UGT3A2: variants seen among roughly 807,000 people sequenced by gnomAD.
UGT3A2 encodes the protein UDP-glycosyltransferase 3A2.
UGT3A2 carries 32 observed loss-of-function variants against 39.8 expected under a neutral mutation model. That is an observed-to-expected ratio of 0.80 (90% CI 0.61 to 1.08). The LOEUF is 1.08. Ranked by LOEUF, UGT3A2 falls within the 50% of genes least tolerant of loss-of-function variation. UGT3A2 has a pLI of 0.00. For synonymous variants in UGT3A2, 241 were observed against 230.7 expected (o/e 1.04, Z -0.40); for missense variants, 611 against 637.1 (o/e 0.96, Z 0.44).
intron 5 of UGT3A2, among the ~76,000 whole-genome samples, chr5:36,038,298 C>A (rs1042376666): frequency 3.9e-5 from 6 of 152,334 alleles, no homozygotes; most frequent in Middle Eastern, 3.4e-3. Flanking sequence ...ATACATCTCT[C>A]TGTCCATCCA....
intron 6 of UGT3A2, among the ~76,000 whole-genome samples, chr5:36,037,453 A>G (rs1279077938): frequency 1.3e-5 from 2 of 152,132 alleles, no homozygotes; most frequent in Admixed American, 6.5e-5. Flanking sequence ...AGTGCGGAGT[A>G]TTTGGGTAAC....
Position 36,051,928 on chromosome 5 carries a change from G to A in UGT3A2, c.253C>T (p.His85Tyr). The A allele has an allele frequency of 6.3e-7, 1 of 1,591,892 alleles. No homozygotes were observed. The highest frequency in any genetic ancestry group is 2.3e-5 in the East Asian group (1 of 44,074). ...QVISWLAPED[H>Y]QREFKKSFDF... ...AAACTCTTTTTAAATTCTCTTTGAT[G>A]ATCTTCAGGTGCAAGCCAACTGATA... The change falls in exon 3 of 7, where the codon CAT becomes TAT. Residue 85 changes from histidine to tyrosine, a missense_variant. By Grantham distance (83) the His-to-Tyr change is moderately conservative. Coordinates refer to ENST00000282507, the MANE Select transcript of UGT3A2 (RefSeq NM_174914.4).
chr5:36,039,697 G>T lies in UGT3A2; in HGVS notation c.855C>A (p.Asn285Lys). 3.7e-6 allele frequency: 6 copies of T among 1,614,132 alleles called. No homozygotes were observed. The highest frequency in any genetic ancestry group is 5.1e-6 in the Non-Finnish European group (6 of 1,179,994). Residue 285 changes from asparagine to lysine, a missense_variant, in exon 5 of 7, where the codon AAC (asparagine) becomes AAA (lysine). Coordinates refer to ENST00000282507, the MANE Select transcript of UGT3A2 (RefSeq NM_174914.4). ...PIKPVPQDLE[N>K]FIAKFGDSGF... ...CAGAGTCCCCAAACTTGGCAATGAAGTTCTCCAAGTCCTGGAGAAAGATTA... is the reference window on the plus strand; with the variant it reads ...CAGAGTCCCCAAACTTGGCAATGAATTTCTCCAAGTCCTGGAGAAAGATTA...
chr5:36,055,594 A>C (rs1408962278), intron 2 of UGT3A2, among the ~76,000 whole-genome samples: 2 of 152,170 alleles, frequency 1.3e-5, no homozygotes, highest in African/African-American at 4.8e-5. Flanking sequence ...TCACCTCATC[A>C]TCCTTTTAAT....
intron 2 of UGT3A2, among the ~76,000 whole-genome samples, chr5:36,053,900 TC>T (rs1742426014): frequency 2.0e-5 from 3 of 152,288 alleles, no homozygotes; most frequent in African/African-American, 7.2e-5. Context: ...CATCATCACT[TC>T]TTTAACTCTC....
intron 4 of UGT3A2, among the ~76,000 whole-genome samples, chr5:36,044,436 C>G (rs573746896): frequency 6.6e-6 from 1 of 152,030 alleles, no homozygotes; most frequent in East Asian, 1.9e-4. Context: ...AGGATGCCCA[C>G]TTTTACCACA....
intron 4 of UGT3A2, among the ~76,000 whole-genome samples, chr5:36,041,141 C>G (rs943057533): frequency 5.9e-5 from 9 of 152,092 alleles, no homozygotes; most frequent in South Asian, 2.1e-4. Flanking sequence ...AAATAAACAT[C>G]AGCAGTAGCC....
At position 36,037,995 on chromosome 5, in the gene UGT3A2, A is replaced by G; in HGVS notation, c.1097T>C (p.Phe366Ser). Residue 366 changes from phenylalanine (F) to serine (S), a missense_variant, in exon 6 of 7, where the codon TTT becomes TCT. Physicochemically the swap from Phe to Ser is radical, Grantham distance 155. Transcript: ENST00000282507. ...DLLAHPSIRL[F>S]VTHGGQNSIM... ...GCTATTCTGCCCGCCGTGGGTGACA[A>G]ACAGACGGATGCTTGGGTGAGCTGT... 6 of 1,605,030 alleles carry G rather than the reference A, an allele frequency of 3.7e-6. No individual in the cohort carries two copies. Among genetic ancestry groups the G allele is most frequent in the Middle Eastern group, 1.7e-4 (1 of 5,964 alleles).
rs145928030 is a variant in UGT3A2, at chr5:36,043,290, A to T, written c.844-3582T>A. Among the ~76,000 whole-genome samples the T allele has an allele frequency of 9.8e-4, 149 of 152,238 alleles. 2 individuals carry two copies. The highest frequency in any genetic ancestry group is 3.4e-3 in the African/African-American group (142 of 41,580). ...TATGCTCCTGAATGACCAGTAGGTC[A>T]ATGAAGTAATTAAGAAGGAAATTTA... On this transcript the variant is annotated intron_variant, in intron 4 of 6. Transcript: ENST00000282507.
At chr5:36,046,155 T>A (rs1041155524) in intron 4 of UGT3A2, among the ~76,000 whole-genome samples, 1 of 151,726 alleles carries the variant, frequency 6.6e-6, no homozygotes, top group African/African-American at 2.4e-5. Context: ...TCGCACATTG[T>A]TTGTGGGAAT....
At chr5:36,045,428 AC>A (rs1483338267) in intron 4 of UGT3A2, among the ~76,000 whole-genome samples, 1 of 152,004 alleles carries the variant, frequency 6.6e-6, no homozygotes. Flanking sequence ...ACATGGTGAA[AC>A]CCTGTCTCTA....
chr5:36,055,713 C>A (rs973981750), intron 2 of UGT3A2, among the ~76,000 whole-genome samples: 1 of 152,184 alleles, frequency 6.6e-6, no homozygotes, highest in Middle Eastern at 3.2e-3. Flanking sequence ...TTATCCCCAA[C>A]TCCATGTGCC....
intron 4 of UGT3A2, among the ~76,000 whole-genome samples, chr5:36,048,038 CT>C (rs1358119661): frequency 6.6e-6 from 1 of 152,158 alleles, no homozygotes; most frequent in Non-Finnish European, 1.5e-5. Context: ...AGAGTAGACG[CT>C]TGGGTGGCTG....
intron 2 of UGT3A2, among the ~76,000 whole-genome samples, chr5:36,052,525 C>A (rs2111740816): frequency 6.6e-6 from 1 of 152,172 alleles, no homozygotes; most frequent in Admixed American, 6.5e-5. Context: ...CCCTTCCCAA[C>A]CCCATGCTTC....
At chr5:36,066,626 TTC>T in intron 1 of UGT3A2, 68 bp downstream of exon 1, 1 of 1,607,726 alleles carries the variant, frequency 6.2e-7, no homozygotes, top group South Asian at 1.1e-5. Flanking sequence ...TCAAGCGCTG[TTC>T]TCTGGAGCCC....
In UGT3A2 at chr5:36,039,596, GCA is replaced by G. The variant is rs1197072010; in HGVS notation, c.954_955del (p.Ala319LeufsTer37). 1 of 1,614,044 alleles carries G rather than the reference GCA, an allele frequency of 6.2e-7. No individual in the cohort carries two copies. The highest frequency in any genetic ancestry group is 1.3e-5 in the African/African-American group (1 of 74,912). ...CACCCCTTGGGGTAGGTGAGCAAAG[GCA>G]TTGTTCATCTCCTTGAAGATTTCCG... On this transcript the variant is annotated frameshift_variant, in exon 5 of 7. Coordinates refer to ENST00000282507, the MANE Select transcript of UGT3A2 (RefSeq NM_174914.4). LOFTEE classifies it high-confidence loss of function.
intron 4 of UGT3A2, among the ~76,000 whole-genome samples, chr5:36,044,413 CT>C (rs1247132457): frequency 2.0e-5 from 3 of 152,060 alleles, no homozygotes; most frequent in Admixed American, 2.0e-4. Flanking sequence ...AACACCACTC[CT>C]CTAACATGAC....
chr5:36,041,014 G>A (rs74361388), intron 4 of UGT3A2, among the ~76,000 whole-genome samples: 5,899 of 152,296 alleles, frequency 0.039, 189 homozygotes, highest in East Asian at 0.12. Context: ...CTAGGCCTTA[G>A]CTCCTGGACA....
intron 2 of UGT3A2, among the ~76,000 whole-genome samples, chr5:36,060,624 GTTTCT>G (rs1420517798): frequency 1.1e-4 from 16 of 152,028 alleles, no homozygotes; most frequent in Non-Finnish European, 1.6e-4. Flanking sequence ...CTTTACAACC[GTTTCT>G]TTTAAGTTTT....
Sources: allele counts gnomAD v4.1 joint callset (sites outside exome capture counted in the v4.1 genomes callset), GRCh38; gene constraint gnomAD v4.1.1; transcripts MANE v1.5; gene names NCBI Gene and HGNC (gene_info 2026-07-23, HGNC 2026-07-21).